Variants in GRM7 observed in about 807,000 individuals in gnomAD.
GRM7 encodes glutamate metabotropic receptor 7.
A neutral mutation model predicts 84.5 loss-of-function variants in GRM7; 35 were observed. That is an observed-to-expected ratio of 0.41 (90% CI 0.32 to 0.55). GRM7 has a LOEUF of 0.55. GRM7 is among the 20% of genes least tolerant of loss of function. The probability of loss-of-function intolerance (pLI) is 0.19; values close to 1 mark genes in which losing one functional copy is unlikely to be tolerated. For missense variants in GRM7, 1,003 were observed against 1,194.6 expected (o/e 0.84, Z 2.36); for synonymous variants, 487 against 455.1 (o/e 1.07, Z -0.89).
chr3:7,531,181 A>C (rs912293833), intron 7 of GRM7, among the ~76,000 whole-genome samples: 6 of 152,106 alleles, frequency 3.9e-5, no homozygotes, highest in Non-Finnish European at 8.8e-5. Context: ...AGTTTTCCCA[A>C]CACCATTTAT....
chr3:7,111,871 T>C (rs924330108), intron 1 of GRM7, among the ~76,000 whole-genome samples: 2 of 152,138 alleles, frequency 1.3e-5, no homozygotes, highest in African/African-American at 4.8e-5. Flanking sequence ...AACCAACATC[T>C]GAATCAAGAA....
intron 2 of GRM7, among the ~76,000 whole-genome samples, chr3:7,165,698 A>G (rs1468151464): frequency 6.6e-6 from 1 of 152,216 alleles, no homozygotes; most frequent in Non-Finnish European, 1.5e-5. Context: ...AGCTAGGACA[A>G]GTCTCTTCAG....
intron 1 of GRM7, among the ~76,000 whole-genome samples, chr3:6,980,192 A>C (rs561486): frequency 0.8 from 121,216 of 151,994 alleles, 48,669 homozygotes; most frequent in African/African-American, 0.89. Context: ...GCCTTGGGAA[A>C]GAAAAACAAA....
intron 7 of GRM7, among the ~76,000 whole-genome samples, chr3:7,505,649 G>T (rs866566449): frequency 6.6e-6 from 1 of 152,172 alleles, no homozygotes; most frequent in Non-Finnish European, 1.5e-5. Flanking sequence ...TTATGCCTTC[G>T]ATGACTTATA....
chr3:7,505,750 C>G (rs950895974), intron 7 of GRM7, among the ~76,000 whole-genome samples: 5 of 152,192 alleles, frequency 3.3e-5, no homozygotes, highest in African/African-American at 1.2e-4. Flanking sequence ...GAGCAGAGAC[C>G]TGAGGTGGCC....
intron 2 of GRM7, among the ~76,000 whole-genome samples, chr3:7,176,429 G>C (rs1159202997): frequency 6.6e-6 from 1 of 151,452 alleles, no homozygotes; most frequent in Non-Finnish European, 1.5e-5. Flanking sequence ...AAAAAACAAA[G>C]AGCAAATAAA....
chr3:7,603,107 G>A (rs1437622789), intron 8 of GRM7, among the ~76,000 whole-genome samples: 1 of 152,090 alleles, frequency 6.6e-6, no homozygotes, highest in Non-Finnish European at 1.5e-5. Flanking sequence ...GTTAGTTAGA[G>A]CCACCACCAT....
chr3:7,268,920 T>C (rs1698747629), intron 2 of GRM7, among the ~76,000 whole-genome samples: 1 of 152,206 alleles, frequency 6.6e-6, no homozygotes, highest in Non-Finnish European at 1.5e-5. Context: ...TGGCCTCCTA[T>C]AAGTTTCATT....
chr3:7,560,244 A>G (rs1575493596), intron 7 of GRM7: 1 of 152,054 alleles, frequency 6.6e-6, no homozygotes, highest in South Asian at 2.1e-4. Flanking sequence ...TAAGTAATGT[A>G]TCTGTCTACA....
At chr3:6,957,214 A>T (rs1693093807) in intron 1 of GRM7, among the ~76,000 whole-genome samples, 1 of 152,158 alleles carries the variant, frequency 6.6e-6, no homozygotes, top group Admixed American at 6.5e-5. Context: ...TTTATTTCAC[A>T]AGGTGTTTCC....
chr3:7,087,597 A>C (rs2125004634), intron 1 of GRM7, among the ~76,000 whole-genome samples: 1 of 152,254 alleles, frequency 6.6e-6, no homozygotes, highest in African/African-American at 2.4e-5. Flanking sequence ...CCCAGAACTA[A>C]CATTTTAAGC....
At chr3:7,696,061 G>A (rs75493174) in intron 9 of GRM7, among the ~76,000 whole-genome samples, 1,726 of 152,210 alleles carry the variant, frequency 0.011, 42 homozygotes, top group African/African-American at 0.04. Flanking sequence ...AAATTAAATA[G>A]CACTGAGCCA....
intron 2 of GRM7, among the ~76,000 whole-genome samples, chr3:7,177,147 G>A (rs535957218): frequency 2.0e-5 from 3 of 152,014 alleles, no homozygotes; most frequent in African/African-American, 7.2e-5. Context: ...AAAGTATTGA[G>A]GAAGTGATTT....
At chr3:7,229,722 C>CATAT (rs772166647) in intron 2 of GRM7, among the ~76,000 whole-genome samples, 63 of 25,770 alleles carry the variant, frequency 2.4e-3, no homozygotes, top group Admixed American at 4.0e-3. Context: ...TCCATAGACA[C>CATAT]ACACATATAT....
chr3:7,131,344 G>T (rs991576720), intron 1 of GRM7, among the ~76,000 whole-genome samples: 2 of 152,092 alleles, frequency 1.3e-5, no homozygotes, highest in African/African-American at 2.4e-5. Context: ...GAGTGATGCC[G>T]GTATCCTCAT....
chr3:6,884,679 A>C (rs1695626510), intron 1 of GRM7, among the ~76,000 whole-genome samples: 1 of 151,924 alleles, frequency 6.6e-6, no homozygotes, highest in South Asian at 2.1e-4. Context: ...AGCTCACTGC[A>C]ACACTCGCCT....
At chr3:7,410,225 A>G (rs983940445) in intron 4 of GRM7, among the ~76,000 whole-genome samples, 4 of 152,138 alleles carry the variant, frequency 2.6e-5, no homozygotes, top group African/African-American at 7.2e-5. Flanking sequence ...AATAAGCAAA[A>G]CTAGAAATCT....
intron 2 of GRM7, among the ~76,000 whole-genome samples, chr3:7,241,110 G>A (rs535422326): frequency 5.3e-5 from 8 of 152,262 alleles, no homozygotes; most frequent in African/African-American, 1.9e-4. Context: ...GTATATGGTT[G>A]CTGAATTAAT....
intron 8 of GRM7, among the ~76,000 whole-genome samples, chr3:7,671,825 T>G (rs959137028): frequency 6.6e-6 from 1 of 152,094 alleles, no homozygotes; most frequent in Non-Finnish European, 1.5e-5. Context: ...TCTTTACACA[T>G]GATTTCTTTT....
Sources: gnomAD v4.1 joint callset for allele counts (sites outside exome capture counted in the v4.1 genomes callset) on GRCh38, gnomAD v4.1.1 for gene constraint, MANE v1.5 for transcripts, NCBI Gene and HGNC (gene_info 2026-07-23, HGNC 2026-07-21) for gene names.